Variants in MYO16 observed in about 807,000 individuals in gnomAD.
MYO16 encodes the protein myosin XVI.
In MYO16, 94 loss-of-function variants were observed where a neutral mutation model predicts 205.3. The observed-to-expected ratio is 0.46, with a 90% CI of 0.39 to 0.54. The LOEUF is 0.54. MYO16 is among the 20% of genes least tolerant of loss of function. MYO16 has a pLI of 0.00. For synonymous variants in MYO16, 988 were observed against 954.0 expected (o/e 1.04, Z -0.66); for missense variants, 2,315 against 2,387.5 (o/e 0.97, Z 0.63).
intron 27 of MYO16, among the ~76,000 whole-genome samples, chr13:109,074,349 ACTAC>A (rs1339945737): frequency 6.6e-6 from 1 of 152,142 alleles, no homozygotes; most frequent in Non-Finnish European, 1.5e-5. Flanking sequence ...GCTATAAAGA[ACTAC>A]CTGAGAATGG....
intron 25 of MYO16, among the ~76,000 whole-genome samples, chr13:109,052,846 T>C (rs1887289476): frequency 6.6e-6 from 1 of 152,138 alleles, no homozygotes; most frequent in African/African-American, 2.4e-5. Flanking sequence ...TTCAGATAAC[T>C]GAGGTCTCTA....
At chr13:109,014,017 T>G (rs1885714138) in intron 22 of MYO16, among the ~76,000 whole-genome samples, 2 of 152,220 alleles carry the variant, frequency 1.3e-5, no homozygotes, top group Admixed American at 6.5e-5. Flanking sequence ...TTGCTTTTGG[T>G]GTTTTACTCA....
chr13:109,133,731 A>G (rs1404630916), intron 31 of MYO16, among the ~76,000 whole-genome samples: 2 of 152,224 alleles, frequency 1.3e-5, no homozygotes, highest in Non-Finnish European at 2.9e-5. Context: ...TTTATGCATC[A>G]ATATTAGAAC....
At chr13:108,874,181 A>G (rs1398518015) in intron 12 of MYO16, among the ~76,000 whole-genome samples, 1 of 151,114 alleles carries the variant, frequency 6.6e-6, no homozygotes, top group African/African-American at 2.4e-5. Context: ...TCAAGAGGTT[A>G]GAAGGGAGTA....
In MYO16 at chr13:108,845,134, C is replaced by A. The variant is rs79118304; in HGVS notation, c.1248+641C>A. Among the ~76,000 whole-genome samples, 746 of 152,208 alleles carry A rather than the reference C, an allele frequency of 4.9e-3. 36 individuals carry two copies. The East Asian group carries it at 0.093, about 19-fold the overall frequency. ...GAATAACTTGCATCCTTGAAAATAG[C>A]TTTCTTCAGTGTATCTAATTTTTAA... On this transcript the variant is annotated intron_variant, in intron 10 of 34. Transcript: ENST00000457511.
chr13:108,676,273 C>A (rs1400388900), intron 2 of MYO16, among the ~76,000 whole-genome samples: 1 of 151,768 alleles, frequency 6.6e-6, no homozygotes, highest in African/African-American at 2.4e-5. Context: ...TTTGATAGCA[C>A]CTTTGGAAAT....
chr13:108,903,659 A>C (rs1454640755), intron 15 of MYO16, among the ~76,000 whole-genome samples: 1 of 152,222 alleles, frequency 6.6e-6, no homozygotes, highest in East Asian at 1.9e-4. Context: ...ACACTTTAAG[A>C]AGCTATCAGT....
chr13:108,818,418 AAG>A (rs148286127), intron 7 of MYO16, among the ~76,000 whole-genome samples: 13 of 148,256 alleles, frequency 8.8e-5, no homozygotes, highest in East Asian at 7.7e-4. Context: ...AAAAATAAAA[AAG>A]AGAGAGATTA....
intron 14 of MYO16, among the ~76,000 whole-genome samples, chr13:108,894,697 T>C (rs943887292): frequency 1.3e-5 from 2 of 152,228 alleles, no homozygotes; most frequent in African/African-American, 4.8e-5. Context: ...CTTAAAAGCC[T>C]GCATGAGCTC....
intron 34 of MYO16, among the ~76,000 whole-genome samples, chr13:109,203,418 T>C (rs1197995659): frequency 1.3e-5 from 2 of 151,952 alleles, no homozygotes; most frequent in African/African-American, 4.8e-5. Context: ...TAGAATTTTA[T>C]GTTGACTTTT....
At chr13:108,510,440 TTATATTTAACATTGATAGCTG>T in the MYO16 span, among the ~76,000 whole-genome samples, 46 of 136,138 alleles carry the variant, frequency 3.4e-4, 1 homozygote, top group Non-Finnish European at 5.4e-4. Flanking sequence ...TTTTTTTTTT[TTATATTTAACATTGATAGCTG>T]TTTTTTTTTT....
chr13:108,518,085 A>C, the MYO16 span, among the ~76,000 whole-genome samples: 3 of 152,250 alleles, frequency 2.0e-5, no homozygotes, highest in Non-Finnish European at 4.4e-5. Flanking sequence ...GACTGTAACA[A>C]GTCTATACAG....
chr13:108,934,229 C>T (rs953944934), intron 16 of MYO16, among the ~76,000 whole-genome samples: 4 of 152,142 alleles, frequency 2.6e-5, no homozygotes, highest in African/African-American at 9.7e-5. Flanking sequence ...TAAGCAAGCC[C>T]TTTTCTCCTC....
chr13:109,011,837 G>A (rs957813671), intron 22 of MYO16, among the ~76,000 whole-genome samples: 1 of 152,034 alleles, frequency 6.6e-6, no homozygotes, highest in African/African-American at 2.4e-5. Context: ...AGGAGCAGGA[G>A]ACTCTGAAAG....
At chr13:108,881,264 A>G (rs949710181) in intron 12 of MYO16, among the ~76,000 whole-genome samples, 10 of 152,234 alleles carry the variant, frequency 6.6e-5, no homozygotes, top group Admixed American at 6.5e-4. Flanking sequence ...CAGAAAGGAC[A>G]TCCACACCAA....
chr13:108,992,587 C>A (rs1884872733), intron 21 of MYO16, 139 bp downstream of exon 21: 1 of 557,482 alleles, frequency 1.8e-6, no homozygotes, highest in African/African-American at 2.0e-5. Context: ...AAATTAATAT[C>A]TCTGGTTTAT....
chr13:108,912,010 A>G (rs1019541607), intron 16 of MYO16, among the ~76,000 whole-genome samples: 2 of 152,168 alleles, frequency 1.3e-5, no homozygotes, highest in Non-Finnish European at 1.5e-5. Flanking sequence ...TGGCCAGAGA[A>G]CCAGTCCTGC....
At chr13:108,631,460 G>A (rs1337962384) in intron 1 of MYO16, among the ~76,000 whole-genome samples, 1 of 152,186 alleles carries the variant, frequency 6.6e-6, no homozygotes, top group Non-Finnish European at 1.5e-5. Flanking sequence ...GAAAATTGGT[G>A]ATGTCAATTG....
chr13:108,957,200 A>G (rs1351275350), intron 16 of MYO16, among the ~76,000 whole-genome samples: 1 of 152,018 alleles, frequency 6.6e-6, no homozygotes, highest in African/African-American at 2.4e-5. Context: ...CCTGAACAAC[A>G]TGGTGAAACC....
Sources: gnomAD v4.1 joint callset for allele counts (sites outside exome capture counted in the v4.1 genomes callset) on GRCh38, gnomAD v4.1.1 for gene constraint, MANE v1.5 for transcripts, NCBI Gene and HGNC (gene_info 2026-07-23, HGNC 2026-07-21) for gene names.